TMED3: variants seen among roughly 807,000 people sequenced by gnomAD.
TMED3 encodes the protein transmembrane p24 trafficking protein 3.
TMED3 carries 9 observed loss-of-function variants against 15.0 expected under a neutral mutation model. That is an observed-to-expected ratio of 0.60 (90% CI 0.36 to 1.04). TMED3 has a LOEUF of 1.04. TMED3 is among the 50% of genes least tolerant of loss of function. The pLI, the probability that TMED3 is intolerant of heterozygous loss-of-function variation, is 0.01. For missense variants in TMED3, 267 were observed against 278.9 expected (o/e 0.96, Z 0.30); for synonymous variants, 117 against 121.4 (o/e 0.96, Z 0.24).
intron 2 of TMED3, among the ~76,000 whole-genome samples, chr15:79,343,056 G>C (rs2058857129): frequency 6.6e-6 from 1 of 152,120 alleles, no homozygotes; most frequent in South Asian, 2.1e-4. Flanking sequence ...CAATTGCAAA[G>C]GTCTGGAGAT....
rs1366984733 is a variant in TMED3 at position 79,314,600 on chromosome 15, A to T, written c.417+595A>T. 8.8e-6 allele frequency: 4 copies of T among 453,734 alleles called. No homozygotes were observed. In the Admixed American group the frequency reaches 9.4e-5, roughly 11 times the overall value. The allele number at this position is 453,734 out of a possible 1,614,324, so 28.1% of individuals were successfully genotyped here. On this transcript the variant is annotated intron_variant, in intron 2 of 2. Transcript: ENST00000299705. ...AAGAGAGAATGAGAAAAGCCCATCT[A>T]CTTCTTAAAAGCCCAGGCCCAGTGG... is the stretch of plus-strand genomic sequence containing the variant.
In TMED3 at chr15:79,377,848, G is replaced by A. The variant is rs374023542; in HGVS notation, c.418-33552G>A. On this transcript the variant is annotated intron_variant, in intron 2 of 2. Transcript: ENST00000424155. ...CTTTTAGTAGAGACGGGGTTTCACC[G>A]TGTTAGCCAGGATGGTCTCGATCTC... Among the ~76,000 whole-genome samples, 20 of 151,934 alleles carry A rather than the reference G, an allele frequency of 1.3e-4. No individual in the cohort carries two copies. In the East Asian group the frequency reaches 3.1e-3, roughly 24 times the overall value.
chr15:79,360,914 A>C lies in TMED3; in HGVS notation c.417+46909A>C, dbSNP rs558104349. On this transcript the variant is annotated intron_variant, in intron 2 of 2. Transcript: ENST00000424155. ...ACCCAGGCTGGAGTGCACTATTGTG[A>C]TCATAACTACTGCAGCCTTGAACTC... Among the ~76,000 whole-genome samples the C allele has an allele frequency of 2.0e-5, 3 of 152,298 alleles. No homozygotes were observed. In the East Asian group the frequency reaches 5.8e-4, roughly 29 times the overall value.
chr15:79,353,262 T>TTA lies in TMED3; in HGVS notation c.417+39264_417+39265dup, dbSNP rs1491097287. Among the ~76,000 whole-genome samples, 10 of 47,026 alleles carry TTA rather than the reference T, an allele frequency of 2.1e-4. No individual in the cohort carries two copies. In the East Asian group the frequency reaches 2.1e-3, roughly 10 times the overall value. The allele number at this position is 47,026 out of a possible 152,430, so 30.9% of individuals were successfully genotyped here. On this transcript the variant is annotated intron_variant, in intron 2 of 2. Coordinates refer to the TMED3 transcript ENST00000424155. Reference sequence around the variant, plus strand: ...ATATATATACTATATATAATATATATTATATATAATATATATAATATATAT... The same window carrying TTA: ...ATATATATACTATATATAATATATATTATATATATAATATATATAATATATAT...
intron 2 of TMED3, among the ~76,000 whole-genome samples, chr15:79,358,128 C>T (rs148416560): frequency 1.3e-5 from 2 of 152,320 alleles, no homozygotes; most frequent in African/African-American, 2.4e-5. Context: ...GTATGGAGGT[C>T]AGTCCTACTC....
chr15:79,380,393 G>A (rs1186586107), intron 2 of TMED3, among the ~76,000 whole-genome samples: 1 of 139,822 alleles, frequency 7.2e-6, no homozygotes, highest in Non-Finnish European at 1.6e-5. Flanking sequence ...TATATATAAA[G>A]AGAGTCTCAA....
At position 79,362,656 on chromosome 15, in the gene TMED3, T is replaced by C. The variant is rs536719888; in HGVS notation, c.417+48651T>C. Among the ~76,000 whole-genome samples, 9 of 152,290 alleles carry C rather than the reference T, an allele frequency of 5.9e-5. No individual in the cohort carries two copies. The South Asian group carries it at 1.9e-3, about 32-fold the overall frequency. ...GTAATTGAATCATGGGGGCAGGTTT[T>C]TCCTGTGCTGTCCTCATGATAGTGA... On this transcript the variant is annotated intron_variant, in intron 2 of 2. Transcript: ENST00000424155.
chr15:79,322,735 G>C lies in TMED3; in HGVS notation c.*521G>C, dbSNP rs1050111617. On this transcript the variant is annotated 3_prime_UTR_variant, in exon 3 of 3. Coordinates refer to ENST00000299705, the MANE Select transcript of TMED3 (RefSeq NM_007364.4). The stretch of plus-strand genomic sequence containing the variant: ...CTCGGTGAGCAACAGTGTCAGCCAT[G>C]CAAGCAGGACAGAATGGTGACTGGG... 44 of 985,714 alleles carry C rather than the reference G, an allele frequency of 4.5e-5. No individual in the cohort carries two copies. The African/African-American group carries it at 6.6e-4, about 15-fold the overall frequency. The allele number at this position is 985,714 out of a possible 1,614,324, so 61.1% of individuals were successfully genotyped here. A position where few individuals can be genotyped will look rare whatever the true frequency, so the allele number is the denominator to read the frequency against.
intron 2 of TMED3, among the ~76,000 whole-genome samples, chr15:79,394,638 C>G (rs1736213581): frequency 6.6e-6 from 1 of 152,208 alleles, no homozygotes; most frequent in South Asian, 2.1e-4. Flanking sequence ...CTCAAAGAAG[C>G]AGCTACAAAT....
At chr15:79,398,368 G>C (rs1893789585) in intron 2 of TMED3, among the ~76,000 whole-genome samples, 2 of 151,928 alleles carry the variant, frequency 1.3e-5, no homozygotes, top group Admixed American at 6.6e-5. Flanking sequence ...CATAATCATA[G>C]CTCACTGTAG....
At chr15:79,375,804 A>C (rs1185742707) in intron 2 of TMED3, among the ~76,000 whole-genome samples, 1 of 152,168 alleles carries the variant, frequency 6.6e-6, no homozygotes, top group Non-Finnish European at 1.5e-5. Context: ...ACATTTCAGC[A>C]TGAGACTTGG....
chr15:79,319,791 CAGAG>C (rs530500209), intron 2 of TMED3, among the ~76,000 whole-genome samples: 1 of 150,680 alleles, frequency 6.6e-6, no homozygotes, highest in Non-Finnish European at 1.5e-5. Flanking sequence ...GCAGCCAAGG[CAGAG>C]AGAGAGAGAG....
At chr15:79,327,782 T>G (rs948509936), downstream of TMED3, among the ~76,000 whole-genome samples, 26 of 152,230 alleles carry the variant, frequency 1.7e-4, no homozygotes, top group African/African-American at 6.0e-4. Flanking sequence ...ATTCGACAGC[T>G]TTTATTTGCT....
chr15:79,331,866 G>A (rs1276999647), intron 2 of TMED3, among the ~76,000 whole-genome samples: 1 of 152,144 alleles, frequency 6.6e-6, no homozygotes. Context: ...TCTCACCCCA[G>A]TTAGGATGGC....
intron 2 of TMED3, among the ~76,000 whole-genome samples, chr15:79,314,847 G>T (rs1191086793): frequency 6.6e-6 from 1 of 152,132 alleles, no homozygotes; most frequent in Admixed American, 6.5e-5. Context: ...TGCTATTTAA[G>T]CCCCTCCTTC....
chr15:79,341,368 A>AATAGGTAT (rs1415010500), intron 2 of TMED3, among the ~76,000 whole-genome samples: 1 of 152,100 alleles, frequency 6.6e-6, no homozygotes, highest in Non-Finnish European at 1.5e-5. Flanking sequence ...GTAAGATGGG[A>AATAGGTAT]ATAGGTATAT....
rs561984956 is a variant in TMED3 at position 79,393,258 on chromosome 15, A to T, written c.418-18142A>T. The stretch of plus-strand genomic sequence containing the variant: ...GTATTTCTAGGCCTAGATTCCAGGA[A>T]ATAAAACAGCATAACTGGTGATAGG... On this transcript the variant is annotated intron_variant, in intron 2 of 2. Coordinates refer to the TMED3 transcript ENST00000424155. Among the ~76,000 whole-genome samples, 7 of 152,328 alleles carry T rather than the reference A, an allele frequency of 4.6e-5. No individual in the cohort carries two copies. The South Asian group carries it at 1.5e-3, about 32-fold the overall frequency.
At chr15:79,405,181 A>T (rs1218691106) in intron 2 of TMED3, among the ~76,000 whole-genome samples, 1 of 152,218 alleles carries the variant, frequency 6.6e-6, no homozygotes, top group Admixed American at 6.5e-5. Flanking sequence ...ACCCAGCAGC[A>T]TGACAGAAGA....
intron 2 of TMED3, among the ~76,000 whole-genome samples, chr15:79,376,092 GTTTTTT>G (rs199728545): frequency 6.2e-5 from 7 of 112,058 alleles, no homozygotes; most frequent in African/African-American, 2.6e-4. Flanking sequence ...CTAGAGAAAG[GTTTTTT>G]TTTTTTTTTT....
Sources: allele counts gnomAD v4.1 joint callset (sites outside exome capture counted in the v4.1 genomes callset), GRCh38; gene constraint gnomAD v4.1.1; transcripts MANE v1.5; gene names NCBI Gene and HGNC (gene_info 2026-07-23, HGNC 2026-07-21).